XNDC1N: variants seen among roughly 807,000 people sequenced by gnomAD.
The protein encoded by XNDC1N is XRCC1 N-terminal domain containing 1, N-terminal like.
the XNDC1N span, among the ~76,000 whole-genome samples, chr11:71,906,207 G>C: frequency 9.2e-5 from 14 of 151,926 alleles, no homozygotes; most frequent in Middle Eastern, 3.4e-3. Flanking sequence ...GATATTAGGA[G>C]AATCATCTCA....
chr11:71,914,687 C>T, the XNDC1N span, among the ~76,000 whole-genome samples: 1 of 142,422 alleles, frequency 7.0e-6, no homozygotes, highest in African/African-American at 2.7e-5. Context: ...GACTTTGTCT[C>T]GGGAAAAAAA....
the XNDC1N span, among the ~76,000 whole-genome samples, chr11:71,889,142 G>C: frequency 6.6e-6 from 1 of 152,206 alleles, no homozygotes; most frequent in African/African-American, 2.4e-5. Context: ...TTAGAACTCA[G>C]TGAGGGTGAG....
chr11:71,897,772 T>C, the XNDC1N span, among the ~76,000 whole-genome samples: 1 of 152,200 alleles, frequency 6.6e-6, no homozygotes, highest in East Asian at 1.9e-4. Context: ...CCCATATTCA[T>C]AGCAGCATTA....
the XNDC1N span, among the ~76,000 whole-genome samples, chr11:71,910,015 C>A: frequency 2.0e-5 from 3 of 152,158 alleles, no homozygotes; most frequent in Non-Finnish European, 4.4e-5. Flanking sequence ...AGACAACTCT[C>A]CGGGATTGGC....
At chr11:71,907,033 T>C in the XNDC1N span, among the ~76,000 whole-genome samples, 3 of 152,222 alleles carry the variant, frequency 2.0e-5, no homozygotes, top group African/African-American at 7.2e-5. Context: ...AACCTCCCCT[T>C]AGGAGATTAA....
At chr11:71,871,556 G>A in the XNDC1N span, among the ~76,000 whole-genome samples, 1 of 152,126 alleles carries the variant, frequency 6.6e-6, no homozygotes, top group African/African-American at 2.4e-5. Flanking sequence ...AATGATTTTA[G>A]GTGATTGGTG....
At chr11:71,912,443 C>T in the XNDC1N span, among the ~76,000 whole-genome samples, 1 of 152,136 alleles carries the variant, frequency 6.6e-6, no homozygotes, top group African/African-American at 2.4e-5. Context: ...AAAGATACCA[C>T]AGTGCGGGTA....
At chr11:71,889,328 C>T in the XNDC1N span, among the ~76,000 whole-genome samples, 1 of 152,226 alleles carries the variant, frequency 6.6e-6, no homozygotes, top group Non-Finnish European at 1.5e-5. Flanking sequence ...TTATGCATTG[C>T]AGGGGACACC....
chr11:71,891,661 G>A, the XNDC1N span, among the ~76,000 whole-genome samples: 1 of 151,840 alleles, frequency 6.6e-6, no homozygotes, highest in African/African-American at 2.4e-5. Flanking sequence ...CAGGGGTGCT[G>A]TACAATTACT....
the XNDC1N span, among the ~76,000 whole-genome samples, chr11:71,868,090 A>G: frequency 1 from 152,287 of 152,292 alleles, 76,141 homozygotes; most frequent in Middle Eastern, 1. Flanking sequence ...CTGTTTTGTC[A>G]GAAATTAGAA....
chr11:71,910,717 G>C, the XNDC1N span, among the ~76,000 whole-genome samples: 11 of 152,160 alleles, frequency 7.2e-5, no homozygotes, highest in Admixed American at 7.2e-4. Flanking sequence ...CACAGCCCGG[G>C]GTCAGAACGA....
At chr11:71,898,783 C>G in the XNDC1N span, among the ~76,000 whole-genome samples, 2 of 152,000 alleles carry the variant, frequency 1.3e-5, no homozygotes, top group Non-Finnish European at 2.9e-5. Context: ...GTTCTGGAGA[C>G]GATGACGGTG....
chr11:71,898,661 G>C, the XNDC1N span, among the ~76,000 whole-genome samples: 1 of 152,174 alleles, frequency 6.6e-6, no homozygotes, highest in Non-Finnish European at 1.5e-5. Context: ...AGTGTCTAGA[G>C]TAGTTAAACT....
At chr11:71,879,527 A>G in the XNDC1N span, among the ~76,000 whole-genome samples, 1 of 152,212 alleles carries the variant, frequency 6.6e-6, no homozygotes, top group Non-Finnish European at 1.5e-5. Context: ...TTTATATAAT[A>G]CTTCATGATT....
the XNDC1N span, among the ~76,000 whole-genome samples, chr11:71,869,776 G>T: frequency 6.6e-6 from 1 of 152,158 alleles, no homozygotes; most frequent in Non-Finnish European, 1.5e-5. Flanking sequence ...CCATTGCTGA[G>T]GAACTACTGC....
chr11:71,914,233 A>T, the XNDC1N span: 1 of 454,072 alleles, frequency 2.2e-6, no homozygotes, highest in South Asian at 1.6e-5. Context: ...ACCTTCTGGA[A>T]ATAATTTACC....
At chr11:71,908,503 A>G in the XNDC1N span, among the ~76,000 whole-genome samples, 1 of 151,992 alleles carries the variant, frequency 6.6e-6, no homozygotes, top group African/African-American at 2.4e-5. Flanking sequence ...TCCTCCCTCA[A>G]CAGCTCGTTT....
chr11:71,899,785 G>T, the XNDC1N span, among the ~76,000 whole-genome samples: 2 of 151,502 alleles, frequency 1.3e-5, no homozygotes, highest in South Asian at 4.2e-4. Context: ...CCTGACCGTC[G>T]CCGAGCCCGA....
the XNDC1N span, among the ~76,000 whole-genome samples, chr11:71,885,654 C>T: frequency 2.3e-4 from 35 of 152,090 alleles, no homozygotes; most frequent in Non-Finnish European, 4.1e-4. Context: ...TGGGTGTACA[C>T]CCACTGAGGT....
Sources: allele counts gnomAD v4.1 joint callset (sites outside exome capture counted in the v4.1 genomes callset), GRCh38; gene constraint gnomAD v4.1.1; transcripts MANE v1.5; gene names NCBI Gene and HGNC (gene_info 2026-07-23, HGNC 2026-07-21).